The following LYPD6 variants were observed in gnomAD, a reference collection of about 807,000 sequenced individuals.
LYPD6 encodes LY6/PLAUR domain containing 6, also known as ly6/PLAUR domain-containing protein 6.
In LYPD6, 15 loss-of-function variants were observed where a neutral mutation model predicts 22.7. That is an observed-to-expected ratio of 0.66 (90% CI 0.44 to 1.02). The LOEUF (loss-of-function observed/expected upper bound fraction) is 1.02. Among genes scored for constraint, LYPD6 ranks in the 50% least tolerant of loss-of-function variants. The pLI is 0.00. For synonymous variants in LYPD6, 72 were observed against 77.5 expected (o/e 0.93, Z 0.37); for missense variants, 189 against 208.4 (o/e 0.91, Z 0.57).
intron 3 of LYPD6, among the ~76,000 whole-genome samples, chr2:149,453,625 T>C (rs917227920): frequency 2.6e-5 from 4 of 152,256 alleles, no homozygotes; most frequent in Non-Finnish European, 5.9e-5. Flanking sequence ...GATGGCTTTT[T>C]CCAGATTGGT....
intron 3 of LYPD6, among the ~76,000 whole-genome samples, chr2:149,459,809 G>A (rs549281922): frequency 1.3e-5 from 2 of 151,908 alleles, no homozygotes; most frequent in South Asian, 2.1e-4. Flanking sequence ...GGCTGAGGCA[G>A]GAGAATCGCT....
At chr2:149,448,449 G>T (rs1172767664) in intron 2 of LYPD6, among the ~76,000 whole-genome samples, 1 of 152,030 alleles carries the variant, frequency 6.6e-6, no homozygotes, top group Non-Finnish European at 1.5e-5. Context: ...GTGTAGGTTT[G>T]TGTATCCTCC....
chr2:149,394,497 A>G (rs1682384558), intron 1 of LYPD6, among the ~76,000 whole-genome samples: 1 of 152,170 alleles, frequency 6.6e-6, no homozygotes, highest in Non-Finnish European at 1.5e-5. Flanking sequence ...TTACACCCAT[A>G]CATTTATATT....
chr2:149,365,308 A>C (rs928580219), intron 1 of LYPD6, among the ~76,000 whole-genome samples: 3 of 152,198 alleles, frequency 2.0e-5, no homozygotes, highest in African/African-American at 7.2e-5. Context: ...AGACATTTCC[A>C]TTCTATTTTT....
the LYPD6 span, among the ~76,000 whole-genome samples, chr2:149,485,963 A>C: frequency 6.6e-6 from 1 of 152,168 alleles, no homozygotes; most frequent in Admixed American, 6.5e-5. Context: ...GTTTTAAAAC[A>C]TTTCTGGCTG....
chr2:149,386,515 G>C (rs1006860673), intron 1 of LYPD6, among the ~76,000 whole-genome samples: 1 of 152,182 alleles, frequency 6.6e-6, no homozygotes, highest in Admixed American at 6.5e-5. Context: ...GTGGGGACCT[G>C]TGACCTGCTT....
In LYPD6 at chr2:149,473,091, G is replaced by T. The variant is rs1681379632; in HGVS notation, c.*2241G>T. On this transcript the variant is annotated 3_prime_UTR_variant, in exon 5 of 5. Transcript: ENST00000334166. ...TATAAGACAATGAAAGTTTGATGTT[G>T]TACATACCTACAAGTACCATTTTTG... The T allele has an allele frequency of 6.6e-6, 1 of 152,412 alleles. No individual in the cohort carries two copies. Among genetic ancestry groups the T allele is most frequent in the Non-Finnish European group, 1.5e-5 (1 of 68,020 alleles). The allele number at this position is 152,412 out of a possible 1,614,324, so 9.4% of individuals were successfully genotyped here.
At chr2:149,399,930 C>T (rs1332508023) in intron 1 of LYPD6, among the ~76,000 whole-genome samples, 1 of 152,108 alleles carries the variant, frequency 6.6e-6, no homozygotes, top group Non-Finnish European at 1.5e-5. Flanking sequence ...TTTGGATGCT[C>T]ATTTTAAGAA....
chr2:149,432,102 A>G (rs1683326915), intron 1 of LYPD6, among the ~76,000 whole-genome samples: 1 of 152,174 alleles, frequency 6.6e-6, no homozygotes, highest in African/African-American at 2.4e-5. Flanking sequence ...TTTAAAAAAG[A>G]AAAGAAAAGT....
intron 2 of LYPD6, among the ~76,000 whole-genome samples, chr2:149,443,877 C>A (rs537118276): frequency 6.6e-6 from 1 of 151,168 alleles, no homozygotes; most frequent in Admixed American, 6.6e-5. Context: ...TTGTATTATA[C>A]CATAGTTTAT....
At chr2:149,481,658 A>G in the LYPD6 span, among the ~76,000 whole-genome samples, 4 of 152,244 alleles carry the variant, frequency 2.6e-5, no homozygotes, top group African/African-American at 9.6e-5. Context: ...TGATTGCTCT[A>G]AAGACATTTT....
chr2:149,351,686 G>C (rs1438123628), intron 1 of LYPD6, among the ~76,000 whole-genome samples: 3 of 152,118 alleles, frequency 2.0e-5, no homozygotes, highest in African/African-American at 7.2e-5. Context: ...TTCCAGGAAG[G>C]GGGTTATTAA....
Position 149,340,750 on chromosome 2 carries a change from T to C in LYPD6, c.-72+10028T>C, listed in dbSNP as rs567581565. Among the ~76,000 whole-genome samples, 6 of 152,340 alleles carry C rather than the reference T, an allele frequency of 3.9e-5. No individual in the cohort carries two copies. In the East Asian group the frequency reaches 1.2e-3, roughly 29 times the overall value. On this transcript the variant is annotated intron_variant, in intron 1 of 4. Coordinates refer to ENST00000334166, the MANE Select transcript of LYPD6 (RefSeq NM_194317.5). ...CCCATTAATGCTGATCTAATAAAATTGCTTTGATTAACTGAAAGTGTGGCA... is the reference window on the plus strand; with the variant it reads ...CCCATTAATGCTGATCTAATAAAATCGCTTTGATTAACTGAAAGTGTGGCA...
At chr2:149,345,879 C>T (rs1255632207) in intron 1 of LYPD6, among the ~76,000 whole-genome samples, 1 of 152,090 alleles carries the variant, frequency 6.6e-6, no homozygotes, top group Admixed American at 6.5e-5. Context: ...AGGTCTGTAG[C>T]CTCCTTGAGT....
At chr2:149,339,091 TAA>T (rs2105047074) in intron 1 of LYPD6, among the ~76,000 whole-genome samples, 1 of 152,232 alleles carries the variant, frequency 6.6e-6, no homozygotes, top group South Asian at 2.1e-4. Context: ...GCTTGGAAGA[TAA>T]AGACTCAAGG....
At chr2:149,399,985 T>C (rs887576831) in intron 1 of LYPD6, among the ~76,000 whole-genome samples, 2 of 152,210 alleles carry the variant, frequency 1.3e-5, no homozygotes, top group Admixed American at 6.5e-5. Flanking sequence ...CTTTTGCTGG[T>C]CCACAAAACC....
At chr2:149,339,403 G>A (rs1681117859) in intron 1 of LYPD6, among the ~76,000 whole-genome samples, 2 of 152,154 alleles carry the variant, frequency 1.3e-5, no homozygotes, top group Non-Finnish European at 2.9e-5. Flanking sequence ...AAGCTTCCAA[G>A]GTCTCATAGG....
chr2:149,447,137 G>A (rs964141710), intron 2 of LYPD6, among the ~76,000 whole-genome samples: 1 of 152,184 alleles, frequency 6.6e-6, no homozygotes, highest in Non-Finnish European at 1.5e-5. Context: ...AAAACTCTAA[G>A]TAGTGAAGCA....
chr2:149,458,473 C>G (rs1024690617), intron 3 of LYPD6, among the ~76,000 whole-genome samples: 10 of 152,132 alleles, frequency 6.6e-5, no homozygotes, highest in Non-Finnish European at 7.3e-5. Context: ...ACTCTTACCA[C>G]TCTCAAACAG....
Sources: allele counts gnomAD v4.1 joint callset (sites outside exome capture counted in the v4.1 genomes callset), GRCh38; gene constraint gnomAD v4.1.1; transcripts MANE v1.5; gene names NCBI Gene and HGNC (gene_info 2026-07-23, HGNC 2026-07-21).